The following GABRB3 variants were observed in gnomAD, a reference collection of about 807,000 sequenced individuals.
GABRB3 encodes the protein gamma-aminobutyric acid receptor subunit beta-3.
In GABRB3, 14 loss-of-function variants were observed where a neutral mutation model predicts 52.1. That is an observed-to-expected ratio of 0.27 (90% CI 0.18 to 0.42). The LOEUF (loss-of-function observed/expected upper bound fraction) is 0.42. GABRB3 is among the 10% of genes least tolerant of loss of function. The pLI is 1.00. For missense variants in GABRB3, 307 were observed against 609.1 expected, an observed-to-expected ratio of 0.50 and a Z score of 5.22; for synonymous variants, 260 against 232.3, an observed-to-expected ratio of 1.12 and a Z score of -1.08.
rs1428495670 is a variant in GABRB3 at position 26,624,898 on chromosome 15, A to C, written c.241-3364T>G. 4 of 985,348 alleles carry C rather than the reference A, an allele frequency of 4.1e-6. No individual in the cohort carries two copies. The East Asian group carries it at 4.5e-4, about 112-fold the overall frequency. The allele number at this position is 985,348 out of a possible 1,614,324, so 61.0% of individuals were successfully genotyped here. ...CCGCTCCTTGTGACGTGCAGTGGTG[A>C]GCACTGAGCCAGGAACAGCGGGCAG... is the stretch of plus-strand genomic sequence containing the variant. On this transcript the variant is annotated intron_variant, in intron 3 of 8. Transcript: ENST00000311550.
intron 3 of GABRB3, among the ~76,000 whole-genome samples, chr15:26,730,417 CAAAAAAAA>C (rs66961147): frequency 1.5e-5 from 1 of 67,962 alleles, no homozygotes; most frequent in Non-Finnish European, 3.0e-5. Context: ...GACTCCGTCT[CAAAAAAAA>C]AAAAAAAAAA....
Position 26,599,180 on chromosome 15 carries a change from T to C in GABRB3, c.462-15766A>G, listed in dbSNP as rs555452759. On this transcript the variant is annotated intron_variant, in intron 4 of 8. Transcript: ENST00000311550. The stretch of plus-strand genomic sequence containing the variant: ...GGCTAGACTAGCTTAAACCAGAAAG[T>C]CAAGCAGTGTTCCATTTAGCCAAAA... Among the ~76,000 whole-genome samples the C allele has an allele frequency of 2.6e-5, 4 of 152,226 alleles. No individual in the cohort carries two copies. In the East Asian group the frequency reaches 7.7e-4, roughly 29 times the overall value.
intron 3 of GABRB3, among the ~76,000 whole-genome samples, chr15:26,687,945 T>C (rs1371231890): frequency 6.6e-6 from 1 of 152,226 alleles, no homozygotes; most frequent in Non-Finnish European, 1.5e-5. Flanking sequence ...GTAACTTTCA[T>C]CTTTTCCAGA....
chr15:26,769,587 C>G (rs1421689118), intron 3 of GABRB3, among the ~76,000 whole-genome samples: 2 of 152,206 alleles, frequency 1.3e-5, no homozygotes, highest in Non-Finnish European at 2.9e-5. Flanking sequence ...AATCTCTGAT[C>G]CTGCTCATCC....
chr15:26,675,056 A>G (rs1888025080), intron 3 of GABRB3, among the ~76,000 whole-genome samples: 1 of 152,170 alleles, frequency 6.6e-6, no homozygotes, highest in Admixed American at 6.5e-5. Context: ...TTCCTATGAA[A>G]TAATTACTTG....
intron 3 of GABRB3, among the ~76,000 whole-genome samples, chr15:26,655,061 T>C (rs1006659203): frequency 3.3e-5 from 5 of 152,138 alleles, no homozygotes; most frequent in Non-Finnish European, 2.9e-5. Context: ...AGAATGTTTA[T>C]AAAAAGTAAA....
At chr15:26,627,560 G>A (rs1297288043) in intron 3 of GABRB3, among the ~76,000 whole-genome samples, 1 of 151,732 alleles carries the variant, frequency 6.6e-6, no homozygotes, top group Non-Finnish European at 1.5e-5. Context: ...TGGAAGATGT[G>A]GATTCCAGCC....
intron 3 of GABRB3, among the ~76,000 whole-genome samples, chr15:26,743,144 G>A (rs1566826491): frequency 1.3e-5 from 2 of 151,998 alleles, no homozygotes; most frequent in Non-Finnish European, 2.9e-5. Flanking sequence ...TGGTCAGGCT[G>A]GTCTCAAACT....
chr15:26,547,423 C>T lies in GABRB3; in HGVS notation c.*370G>A. 2.3e-6 allele frequency: 1 copy of T among 441,476 alleles called. No individual in the cohort carries two copies. The allele number at this position is 441,476 out of a possible 1,614,324, so 27.3% of individuals were successfully genotyped here. On this transcript the variant is annotated 3_prime_UTR_variant, in exon 9 of 9. Coordinates refer to ENST00000311550, the MANE Select transcript of GABRB3 (RefSeq NM_000814.6). ...TGGGGATGATATTGTGTTTCACGCC[C>T]TCATTCTCAAGGCATAATATTTAGA...
At chr15:26,744,993 C>A (rs552257419) in intron 3 of GABRB3, among the ~76,000 whole-genome samples, 1 of 152,254 alleles carries the variant, frequency 6.6e-6, no homozygotes, top group Admixed American at 6.5e-5. Context: ...GCTAGAGAGG[C>A]CTCGGGGAAC....
chr15:26,573,449 G>A (rs1387667406), intron 6 of GABRB3, among the ~76,000 whole-genome samples: 1 of 152,146 alleles, frequency 6.6e-6, no homozygotes, highest in Non-Finnish European at 1.5e-5. Flanking sequence ...ACCAGACAAT[G>A]AGTCCTTTCT....
chr15:26,673,071 G>A (rs898322405), intron 3 of GABRB3, among the ~76,000 whole-genome samples: 1 of 152,124 alleles, frequency 6.6e-6, no homozygotes, highest in Non-Finnish European at 1.5e-5. Context: ...ACCTCCTATC[G>A]TGTTTTCCTG....
At chr15:26,690,321 C>T (rs1888548652) in intron 3 of GABRB3, among the ~76,000 whole-genome samples, 1 of 151,996 alleles carries the variant, frequency 6.6e-6, no homozygotes, top group East Asian at 1.9e-4. Flanking sequence ...TCAAGTGACC[C>T]TCCCACCTAG....
At chr15:26,712,746 C>T (rs1275704940) in intron 3 of GABRB3, among the ~76,000 whole-genome samples, 2 of 152,248 alleles carry the variant, frequency 1.3e-5, no homozygotes, top group East Asian at 1.9e-4. Flanking sequence ...AGCCAGGGCC[C>T]TGTGCCCACG....
chr15:26,672,126 A>G (rs1413292459), intron 3 of GABRB3, among the ~76,000 whole-genome samples: 1 of 152,058 alleles, frequency 6.6e-6, no homozygotes, highest in Non-Finnish European at 1.5e-5. Flanking sequence ...AGAACTTTAC[A>G]AACTGTTGGA....
At chr15:26,596,947 G>C (rs1891414720) in intron 4 of GABRB3, among the ~76,000 whole-genome samples, 1 of 152,186 alleles carries the variant, frequency 6.6e-6, no homozygotes, top group Non-Finnish European at 1.5e-5. Context: ...TCTCTGAAGA[G>C]TCTCGAGGCA....
chr15:26,729,680 T>G (rs968366544), intron 3 of GABRB3, among the ~76,000 whole-genome samples: 2 of 152,134 alleles, frequency 1.3e-5, no homozygotes, highest in Non-Finnish European at 2.9e-5. Context: ...ATGCTTTACT[T>G]TTTCAGGGCA....
intron 8 of GABRB3, among the ~76,000 whole-genome samples, chr15:26,556,784 C>A (rs1163047122): frequency 6.6e-6 from 1 of 152,128 alleles, no homozygotes; most frequent in Non-Finnish European, 1.5e-5. Context: ...AACCATAGTA[C>A]CAAGAGGCAG....
intron 4 of GABRB3, among the ~76,000 whole-genome samples, chr15:26,586,732 A>T (rs1429385236): frequency 6.6e-6 from 1 of 151,114 alleles, no homozygotes; most frequent in Non-Finnish European, 1.5e-5. Context: ...GAAGAAGGAA[A>T]TTCTGAAATT....
Sources: gnomAD v4.1 joint callset for allele counts (sites outside exome capture counted in the v4.1 genomes callset) on GRCh38, gnomAD v4.1.1 for gene constraint, MANE v1.5 for transcripts, NCBI Gene and HGNC (gene_info 2026-07-23, HGNC 2026-07-21) for gene names.